Variants in CNTN5 observed in about 807,000 individuals in gnomAD.
The protein encoded by CNTN5 is contactin-5.
CNTN5 carries 77 observed loss-of-function variants against 129.1 expected under a neutral mutation model. That is an observed-to-expected ratio of 0.60 (90% CI 0.50 to 0.72). The LOEUF (loss-of-function observed/expected upper bound fraction) is 0.72. Among genes scored for constraint, CNTN5 ranks in the 30% least tolerant of loss-of-function variants. The pLI is 0.00. For missense variants in CNTN5, 1,478 were observed against 1,328.8 expected, an observed-to-expected ratio of 1.11 and a Z score of -1.75; for synonymous variants, 509 against 465.6, an observed-to-expected ratio of 1.09 and a Z score of -1.20.
chr11:99,525,079 C>T (rs951018417), intron 2 of CNTN5, among the ~76,000 whole-genome samples: 2 of 151,984 alleles, frequency 1.3e-5, no homozygotes, highest in African/African-American at 2.4e-5. Flanking sequence ...GCACTAGATA[C>T]AGTACACATT....
chr11:99,232,730 G>A (rs1861067902), intron 1 of CNTN5, among the ~76,000 whole-genome samples: 1 of 152,046 alleles, frequency 6.6e-6, no homozygotes, highest in South Asian at 2.1e-4. Context: ...ATTAGTAATT[G>A]GTAACTGCCA....
intron 3 of CNTN5, among the ~76,000 whole-genome samples, chr11:99,703,022 G>T (rs188051362): frequency 6.6e-6 from 1 of 150,756 alleles, no homozygotes; most frequent in Non-Finnish European, 1.5e-5. Context: ...AAGATGTATA[G>T]GATGTTTTAA....
intron 2 of CNTN5, among the ~76,000 whole-genome samples, chr11:99,338,917 C>CAG: frequency 2.1e-5 from 1 of 48,200 alleles, no homozygotes; most frequent in African/African-American, 8.9e-5. Context: ...TGTTCATTCA[C>CAG]AGATATATAT....
At chr11:99,147,140 C>T (rs1420286018) in intron 1 of CNTN5, among the ~76,000 whole-genome samples, 1 of 152,214 alleles carries the variant, frequency 6.6e-6, no homozygotes, top group Admixed American at 6.5e-5. Flanking sequence ...AAGACTTAAA[C>T]TGTTTTGTTA....
intron 17 of CNTN5, among the ~76,000 whole-genome samples, chr11:100,269,973 T>C (rs889074062): frequency 3.9e-5 from 6 of 152,296 alleles, no homozygotes; most frequent in African/African-American, 1.4e-4. Context: ...CAAGCTGTGG[T>C]CTGACAGTGG....
At chr11:99,364,738 G>A (rs941677432) in intron 2 of CNTN5, among the ~76,000 whole-genome samples, 2 of 152,138 alleles carry the variant, frequency 1.3e-5, no homozygotes, top group African/African-American at 4.8e-5. Flanking sequence ...GATTATGGTA[G>A]TGAAGTTGCT....
intron 1 of CNTN5, among the ~76,000 whole-genome samples, chr11:99,093,709 C>T (rs1261722573): frequency 6.6e-6 from 1 of 151,836 alleles, no homozygotes; most frequent in African/African-American, 2.4e-5. Flanking sequence ...TAATAACCAC[C>T]CCTGAGTTTA....
At chr11:99,317,330 G>T (rs1461679) in intron 1 of CNTN5, among the ~76,000 whole-genome samples, 3,604 of 152,238 alleles carry the variant, frequency 0.024, 148 homozygotes, top group African/African-American at 0.082. Flanking sequence ...GACTATAGGA[G>T]AAAATTTCTA....
At chr11:99,893,174 A>G (rs950437772) in intron 6 of CNTN5, among the ~76,000 whole-genome samples, 1 of 152,164 alleles carries the variant, frequency 6.6e-6, no homozygotes, top group African/African-American at 2.4e-5. Flanking sequence ...CCTTTACATC[A>G]AAAAGGTCCA....
rs116033850 is a variant in CNTN5 at position 99,652,361 on chromosome 11, A to G, written c.55+96092A>G. Among the ~76,000 whole-genome samples, 341 of 152,152 alleles carry G rather than the reference A, an allele frequency of 2.2e-3. 1 individual carries two copies. Among genetic ancestry groups the G allele is most frequent in the African/African-American group, 7.5e-3 (311 of 41,530 alleles). On this transcript the variant is annotated intron_variant, in intron 3 of 24. Transcript: ENST00000524871. The stretch of plus-strand genomic sequence containing the variant: ...GCATCTTACATAACATAAAATAATG[A>G]CACCATCATCTATACTATCTATACC...
chr11:100,257,663 T>G (rs536233445), intron 17 of CNTN5, among the ~76,000 whole-genome samples: 17 of 152,122 alleles, frequency 1.1e-4, no homozygotes, highest in Non-Finnish European at 1.9e-4. Context: ...GAAGTGGACC[T>G]CCAGCAAACT....
chr11:99,703,190 T>G lies in CNTN5; in HGVS notation c.56-116354T>G, dbSNP rs568787040. ...TTTTAAGTTTTAATTTCCTGAGTGT[T>G]TTTTATAAAACCAAATACATATCAA... On this transcript the variant is annotated intron_variant, in intron 3 of 24. Coordinates refer to ENST00000524871, the MANE Select transcript of CNTN5 (RefSeq NM_014361.4). Among the ~76,000 whole-genome samples, 380 of 150,182 alleles carry G rather than the reference T, an allele frequency of 2.5e-3. 1 individual carries two copies. Among genetic ancestry groups the G allele is most frequent in the African/African-American group, 7.8e-3 (323 of 41,310 alleles).
chr11:99,690,592 CCTAT>C (rs1954001332), intron 3 of CNTN5, among the ~76,000 whole-genome samples: 1 of 152,120 alleles, frequency 6.6e-6, no homozygotes, highest in Admixed American at 6.5e-5. Context: ...ACTGATTCTT[CCTAT>C]CTATGATCAT....
intron 3 of CNTN5, among the ~76,000 whole-genome samples, chr11:99,739,434 A>G (rs894485887): frequency 3.9e-5 from 6 of 152,140 alleles, no homozygotes; most frequent in Non-Finnish European, 8.8e-5. Flanking sequence ...GGAATCTTTT[A>G]CACCTCCGAT....
At chr11:99,309,786 T>C (rs1865031247) in intron 1 of CNTN5, among the ~76,000 whole-genome samples, 1 of 152,208 alleles carries the variant, frequency 6.6e-6, no homozygotes. Flanking sequence ...TATATGATAA[T>C]ATTAATCAAA....
intron 3 of CNTN5, among the ~76,000 whole-genome samples, chr11:99,797,973 T>C (rs761713414): frequency 6.6e-6 from 1 of 152,188 alleles, no homozygotes; most frequent in Non-Finnish European, 1.5e-5. Context: ...AATTTTTATT[T>C]TACGTTCAAG....
rs114132430 is a variant in CNTN5, at chr11:99,174,814, C to T, written c.-209-150532C>T. ...TTTTTCATTAATTAACTTATTAATG[C>T]GGTAATCACAGAATTTTCCAACTAT... is the stretch of plus-strand genomic sequence containing the variant. On this transcript the variant is annotated intron_variant, in intron 1 of 24. Transcript: ENST00000524871. 5.1e-3 allele frequency among the ~76,000 whole-genome samples: 768 copies of T among 151,798 alleles called. 10 individuals are homozygous for T. The highest frequency in any genetic ancestry group is 0.017 in the African/African-American group (713 of 41,412).
chr11:99,240,832 A>G (rs2135756553), intron 1 of CNTN5, among the ~76,000 whole-genome samples: 1 of 152,346 alleles, frequency 6.6e-6, no homozygotes, highest in Middle Eastern at 3.4e-3. Context: ...ATTTGGATTT[A>G]GATTTCTTTC....
intron 2 of CNTN5, among the ~76,000 whole-genome samples, chr11:99,345,093 C>T (rs1937735366): frequency 6.6e-6 from 1 of 151,950 alleles, no homozygotes; most frequent in Non-Finnish European, 1.5e-5. Context: ...GTACTGATTC[C>T]AAGTGTTAAA....
Sources: gnomAD v4.1 joint callset for allele counts (sites outside exome capture counted in the v4.1 genomes callset) on GRCh38, gnomAD v4.1.1 for gene constraint, MANE v1.5 for transcripts, NCBI Gene and HGNC (gene_info 2026-07-23, HGNC 2026-07-21) for gene names.